The following EPB41L2 variants were observed in gnomAD, a reference collection of about 807,000 sequenced individuals.
The protein encoded by EPB41L2 is band 4.1-like protein 2.
Under a neutral mutation model 113.0 loss-of-function variants are expected in EPB41L2, and 43 were observed. The observed-to-expected ratio is 0.38, with a 90% confidence interval of 0.30 to 0.49. EPB41L2 has a LOEUF of 0.49. Ranked by LOEUF, EPB41L2 falls within the 20% of genes least tolerant of loss-of-function variation. EPB41L2 has a pLI of 0.95. For missense variants in EPB41L2, 1,147 were observed against 1,223.4 expected (o/e 0.94, Z 0.93); for synonymous variants, 442 against 436.7 (o/e 1.01, Z -0.15).
intron 10 of EPB41L2, among the ~76,000 whole-genome samples, chr6:130,892,403 C>CTTTTTGTTTTTTTTTTTTTTTTTTT (rs1793201982): frequency 1.1e-5 from 1 of 92,640 alleles, no homozygotes; most frequent in Non-Finnish European, 2.4e-5. Context: ...CAGATTATTG[C>CTTTTTGTTTTTTTTTTTTTTTTTTT]TTTTTTTTTT....
At chr6:130,911,250 T>C (rs1182561400) in intron 4 of EPB41L2, among the ~76,000 whole-genome samples, 1 of 152,084 alleles carries the variant, frequency 6.6e-6, no homozygotes, top group African/African-American at 2.4e-5. Context: ...CTGGAAACCA[T>C]CATTCTCAGC....
chr6:130,894,316 G>C, intron 10 of EPB41L2, 28 bp downstream of exon 10: 1 of 1,583,148 alleles, frequency 6.3e-7, no homozygotes, highest in East Asian at 2.2e-5. Context: ...GATCATGCCC[G>C]GCTTCCGAGC....
chr6:130,960,848 G>A (rs1773312775), intron 1 of EPB41L2, among the ~76,000 whole-genome samples: 1 of 152,154 alleles, frequency 6.6e-6, no homozygotes, highest in African/African-American at 2.4e-5. Flanking sequence ...GAGAACTCTT[G>A]TAGTGGAATG....
chr6:131,053,206 A>T (rs1163334382), intron 1 of EPB41L2, among the ~76,000 whole-genome samples: 1 of 151,272 alleles, frequency 6.6e-6, no homozygotes, highest in African/African-American at 2.4e-5. Context: ...AGTAAATTTT[A>T]ACAAATAATA....
chr6:130,886,617 GGTTTTT>G, intron 11 of EPB41L2, among the ~76,000 whole-genome samples: 1 of 138,290 alleles, frequency 7.2e-6, no homozygotes, highest in Non-Finnish European at 1.5e-5. Flanking sequence ...ATTTTCCAGC[GGTTTTT>G]GTTGTTGTTG....
In EPB41L2 at chr6:130,876,835, AAC is replaced by A. The variant is rs540489292; in HGVS notation, c.2043+1267_2043+1268del. ...AAGACACATACATTACACCTATAGC[AAC>A]ACAAACACAAAATACTGACCCAGTG... On this transcript the variant is annotated intron_variant, in intron 14 of 19. Coordinates refer to ENST00000337057, the MANE Select transcript of EPB41L2 (RefSeq NM_001431.4). 15 of 1,057,618 alleles carry A rather than the reference AAC, an allele frequency of 1.4e-5. No homozygotes were observed. In the South Asian group the frequency reaches 1.8e-4, roughly 13 times the overall value. The allele number at this position is 1,057,618 out of a possible 1,614,324, so 65.5% of individuals were successfully genotyped here.
intron 1 of EPB41L2, among the ~76,000 whole-genome samples, chr6:131,042,004 T>C (rs1446178809): frequency 2.0e-5 from 3 of 152,142 alleles, no homozygotes; most frequent in Non-Finnish European, 2.9e-5. Flanking sequence ...AAAGAGTGAA[T>C]GAAGTGATAA....
chr6:130,958,371 G>C (rs953492077), intron 1 of EPB41L2, among the ~76,000 whole-genome samples: 2 of 149,888 alleles, frequency 1.3e-5, no homozygotes, highest in African/African-American at 4.9e-5. Flanking sequence ...AGAATAGCTT[G>C]AACTCAGGAG....
At chr6:130,944,023 A>C (rs1489283931) in intron 3 of EPB41L2, among the ~76,000 whole-genome samples, 1 of 152,184 alleles carries the variant, frequency 6.6e-6, no homozygotes, top group Non-Finnish European at 1.5e-5. Context: ...GTAGAAACAT[A>C]ATAGTTTTCA....
intron 3 of EPB41L2, among the ~76,000 whole-genome samples, chr6:130,931,587 T>C (rs1806884824): frequency 6.6e-6 from 1 of 152,144 alleles, no homozygotes; most frequent in South Asian, 2.1e-4. Context: ...TAATGTTCAA[T>C]CAAACTCGAT....
chr6:130,923,148 T>C (rs1008017982), intron 4 of EPB41L2, among the ~76,000 whole-genome samples: 3 of 152,168 alleles, frequency 2.0e-5, no homozygotes, highest in Non-Finnish European at 2.9e-5. Flanking sequence ...ATTCATCAGA[T>C]TGAGTCAGCC....
chr6:130,888,566 A>G (rs976761603), intron 11 of EPB41L2, among the ~76,000 whole-genome samples: 1 of 152,204 alleles, frequency 6.6e-6, no homozygotes, highest in Admixed American at 6.5e-5. Flanking sequence ...ACAGCCTCAC[A>G]GTTTCAAACA....
intron 19 of EPB41L2, among the ~76,000 whole-genome samples, chr6:130,857,603 G>T (rs1454403611): frequency 7.9e-6 from 1 of 126,214 alleles, no homozygotes; most frequent in East Asian, 2.4e-4. Flanking sequence ...CTGTTGCCCA[G>T]GATAGAGTTC....
At chr6:130,916,866 G>A (rs1451291452) in intron 4 of EPB41L2, among the ~76,000 whole-genome samples, 1 of 152,214 alleles carries the variant, frequency 6.6e-6, no homozygotes, top group Non-Finnish European at 1.5e-5. Context: ...TAGCCCTAGA[G>A]TTCTTTTTAT....
At chr6:130,946,354 T>C (rs770967702) in intron 3 of EPB41L2, among the ~76,000 whole-genome samples, 2 of 152,178 alleles carry the variant, frequency 1.3e-5, no homozygotes, top group Non-Finnish European at 2.9e-5. Context: ...AAATGCACTG[T>C]TACTCAATGT....
chr6:130,956,424 T>C lies in EPB41L2; in HGVS notation c.62A>G (p.Asp21Gly), dbSNP rs147601730. The C allele has an allele frequency of 2.5e-6, 4 of 1,614,044 alleles. No individual in the cohort carries two copies. In the African/African-American group the frequency reaches 4.0e-5, roughly 16 times the overall value. Residue 21 changes from aspartate to glycine, a missense_variant, in exon 2 of 20, where the codon GAT becomes GGT. Transcript: ENST00000337057. ...TTCTTTAGGTTTTTCCTTGGTTGCA[T>C]CTGTTCCTAACTGGCTAGAGTCCTT... The part of the protein sequence containing the change: ...VKKDSSQLGT[D>G]ATKEKPKEVA...
chr6:130,922,364 T>C (rs1212653297), intron 4 of EPB41L2, among the ~76,000 whole-genome samples: 1 of 152,246 alleles, frequency 6.6e-6, no homozygotes, highest in African/African-American at 2.4e-5. Flanking sequence ...TTTGAGAACA[T>C]GAAAAATTCC....
chr6:130,997,533 A>G (rs1294890298), intron 1 of EPB41L2, among the ~76,000 whole-genome samples: 1 of 152,216 alleles, frequency 6.6e-6, no homozygotes, highest in Non-Finnish European at 1.5e-5. Context: ...TTTCTTTGTT[A>G]TATGACAACT....
intron 1 of EPB41L2, among the ~76,000 whole-genome samples, chr6:130,988,109 C>T (rs1209195612): frequency 6.6e-6 from 1 of 150,864 alleles, no homozygotes; most frequent in Non-Finnish European, 1.5e-5. Flanking sequence ...GAGCAAGACC[C>T]TGTCTCAAAA....
Sources: allele counts gnomAD v4.1 joint callset (sites outside exome capture counted in the v4.1 genomes callset), GRCh38; gene constraint gnomAD v4.1.1; transcripts MANE v1.5; gene names NCBI Gene and HGNC (gene_info 2026-07-23, HGNC 2026-07-21).